EVI5L: variants seen among roughly 807,000 people sequenced by gnomAD.
EVI5L encodes the protein EVI5-like protein.
EVI5L carries 30 observed loss-of-function variants against 106.1 expected under a neutral mutation model. The observed-to-expected ratio is 0.28, with a 90% CI of 0.21 to 0.38. The LOEUF (loss-of-function observed/expected upper bound fraction) is 0.38. EVI5L is among the 10% of genes least tolerant of loss of function. The pLI is 1.00. For synonymous variants in EVI5L, 489 were observed against 483.3 expected, an observed-to-expected ratio of 1.01 and a Z score of -0.15; for missense variants, 809 against 1,098.0, an observed-to-expected ratio of 0.74 and a Z score of 3.72.
intron 2 of EVI5L, 94 bp downstream of exon 2, chr19:7,846,773 C>T (rs1896132403): frequency 6.7e-7 from 1 of 1,482,028 alleles, no homozygotes; most frequent in African/African-American, 1.4e-5. Context: ...GAGCCAGGCC[C>T]AGTGTGTGCA....
rs1488286035 is a variant in EVI5L at position 7,863,932 on chromosome 19, G to A, written c.*230G>A. 1 of 548,936 alleles carries A rather than the reference G, an allele frequency of 1.8e-6. No individual in the cohort carries two copies. The highest frequency in any genetic ancestry group is 3.0e-6 in the Non-Finnish European group (1 of 332,116). 34.0% of individuals were successfully genotyped at this position (548,936 alleles called of 1,614,324 possible). On this transcript the variant is annotated 3_prime_UTR_variant, in exon 20 of 20. Coordinates refer to ENST00000538904, the MANE Select transcript of EVI5L (RefSeq NM_001159944.3). This position sits in a 1 kb window ranked among gnomAD's most constrained non-coding sequence, Gnocchi z 7.7. ...CAGCAGTGTTTACCCATCTTGGTCTGTACCCCTCCGGGCCCTCTGGCGTTC... is the reference window on the plus strand; with the variant it reads ...CAGCAGTGTTTACCCATCTTGGTCTATACCCCTCCGGGCCCTCTGGCGTTC...
intron 13 of EVI5L, among the ~76,000 whole-genome samples, chr19:7,859,839 G>C (rs1342632816): frequency 6.6e-6 from 1 of 152,250 alleles, no homozygotes; most frequent in African/African-American, 2.4e-5. Context: ...GGGCCTGGAG[G>C]CCATCTGGGC....
At chr19:7,852,395 G>C (rs977116881) in intron 8 of EVI5L, among the ~76,000 whole-genome samples, 1 of 152,218 alleles carries the variant, frequency 6.6e-6, no homozygotes, top group Non-Finnish European at 1.5e-5. Context: ...TGCAGGAGCT[G>C]TGTCCCCCCT....
chr19:7,863,054 A>G lies in EVI5L; in HGVS notation c.2030A>G (p.Glu677Gly). 1 of 1,558,060 alleles carries G rather than the reference A, an allele frequency of 6.4e-7. No individual in the cohort carries two copies. The change falls in exon 18 of 20, where the codon GAG becomes GGG. Residue 677 changes from glutamate to glycine, a missense_variant. Glu to Gly is a moderately conservative substitution (Grantham distance 98). Around this residue, in one of 2 missense-constraint regions of EVI5L, gnomAD observed 452 missense variants for 509.9 expected, o/e 0.89. Coordinates refer to ENST00000538904, the MANE Select transcript of EVI5L (RefSeq NM_001159944.3). The surrounding 1 kb of genome is among the most constrained non-coding windows in gnomAD (Gnocchi z 7.7). Reference sequence around the variant, plus strand: ...GCCGAGATGCGGCAGCGCATTGCCGAGCTGGAGATCCAGGTGATCGGCGGG... The same window carrying G: ...GCCGAGATGCGGCAGCGCATTGCCGGGCTGGAGATCCAGGTGATCGGCGGG... ...AVAEMRQRIAELEIQREEGRI... is the reference protein window; with the variant it reads ...AVAEMRQRIAGLEIQREEGRI...
Position 7,847,923 on chromosome 19 carries a change from T to TG in EVI5L, c.327+8dup. 6.5e-7 allele frequency: 1 copy of TG among 1,540,374 alleles called. No homozygotes were observed. Among genetic ancestry groups the TG allele is most frequent in the Non-Finnish European group, 8.8e-7 (1 of 1,140,478 alleles). ...CGCAGGAAGGAGAAGCTGCTCAAGG[T>TG]GGGGGGCGGCCAGGCAGGCAGGGCT... On this transcript the variant is annotated splice_region_variant and intron_variant, in intron 3 of 19. Coordinates refer to ENST00000538904, the MANE Select transcript of EVI5L (RefSeq NM_001159944.3).
chr19:7,854,863 G>T (rs771817569), intron 10 of EVI5L, among the ~76,000 whole-genome samples: 9 of 152,090 alleles, frequency 5.9e-5, no homozygotes, highest in Non-Finnish European at 1.3e-4. Flanking sequence ...CTGCGGTTCT[G>T]TCTGACTGCA....
In EVI5L at chr19:7,857,103, T is replaced by C. The variant is rs1446076302; in HGVS notation, c.1212T>C (p.Ala404=). Residue 404 remains alanine (A), a synonymous_variant, in exon 12 of 20, where the codon GCT becomes GCC. Transcript: ENST00000538904. The surrounding 1 kb of genome is among the most constrained non-coding windows in gnomAD (Gnocchi z 4.5). The part of the protein sequence containing the change: ...RIETLEKESA[A]LADRLIQGQV... ...CCTTCGCCGGGTAGGAGAGCGCTGC[T>C]CTGGCTGATAGGTTAATCCAGGTAC... 1.3e-6 allele frequency: 2 copies of C among 1,551,680 alleles called. No homozygotes were observed. The highest frequency in any genetic ancestry group is 1.7e-6 in the Non-Finnish European group (2 of 1,147,020).
At chr19:7,855,987 A>G (rs527769271) in intron 10 of EVI5L, 28 bp from the exon 11 acceptor site, 2 of 1,323,894 alleles carry the variant, frequency 1.5e-6, no homozygotes, top group South Asian at 2.8e-5. Flanking sequence ...GGGGCGGGCT[A>G]TGACGTGATC....
chr19:7,862,877 C>T, intron 17 of EVI5L, 95 bp from the exon 18 acceptor site: 1 of 866,836 alleles, frequency 1.2e-6, no homozygotes, highest in Non-Finnish European at 1.7e-6. Flanking sequence ...CCGCCCGCGG[C>T]CCCGCCTCCT....
chr19:7,847,637 TA>T, intron 2 of EVI5L, 94 bp from the exon 3 acceptor site: 2 of 1,310,242 alleles, frequency 1.5e-6, no homozygotes, highest in Non-Finnish European at 2.1e-6. Context: ...TGGTGTCCTC[TA>T]AGACCCCCAG....
intron 7 of EVI5L, 32 bp downstream of exon 7, chr19:7,851,609 G>A: frequency 1.2e-6 from 2 of 1,602,638 alleles, no homozygotes; most frequent in Non-Finnish European, 1.7e-6. Flanking sequence ...GGAGGGAAGA[G>A]AGCCCCTTGG....
At position 7,850,159 on chromosome 19, in the gene EVI5L, G is replaced by A. The variant is rs548557570; in HGVS notation, c.753+37G>A. Reference sequence around the variant, plus strand: ...CGCAGGAGAGCAGGGCTGCAGGAGGGCAGGGCCACAGGTGGGCAGGGCCGC... The same window carrying A: ...CGCAGGAGAGCAGGGCTGCAGGAGGACAGGGCCACAGGTGGGCAGGGCCGC... On this transcript the variant is annotated intron_variant, in intron 6 of 19. Transcript: ENST00000538904. The surrounding 1 kb of genome is among the most constrained non-coding windows in gnomAD (Gnocchi z 5.4). 15 of 1,583,868 alleles carry A rather than the reference G, an allele frequency of 9.5e-6. No individual in the cohort carries two copies. The South Asian group carries it at 1.6e-4, about 17-fold the overall frequency.
chr19:7,848,005 C>G lies in EVI5L; in HGVS notation c.327+84C>G, dbSNP rs1979041567. The stretch of plus-strand genomic sequence containing the variant: ...CTCAGCCACCAGGCAGCGCCAGGGT[C>G]TGCGGGGCCCCAGCCTGGGCACAGC... On this transcript the variant is annotated intron_variant, in intron 3 of 19. Transcript: ENST00000538904. This position sits in a 1 kb window ranked among gnomAD's most constrained non-coding sequence, Gnocchi z 4.8. 7.0e-7 allele frequency: 1 copy of G among 1,432,108 alleles called. No individual in the cohort carries two copies. The highest frequency in any genetic ancestry group is 1.4e-5 in the South Asian group (1 of 71,088). The allele number at this position is 1,432,108 out of a possible 1,614,324, so 88.7% of individuals were successfully genotyped here.
chr19:7,856,457 G>A lies in EVI5L; in HGVS notation c.1200+389G>A, dbSNP rs1979527994. 6.6e-6 allele frequency among the ~76,000 whole-genome samples: 1 copy of A among 152,092 alleles called. No individual in the cohort carries two copies. Among genetic ancestry groups the A allele is most frequent in the Non-Finnish European group, 1.5e-5 (1 of 68,000 alleles). ...TAATTTGGAAGTCTTGCCCTCAAAA[G>A]AAAGGAAAGGAAACCCAGTGGAGGA... On this transcript the variant is annotated intron_variant, in intron 11 of 19. Transcript: ENST00000538904. This position sits in a 1 kb window ranked among gnomAD's most constrained non-coding sequence, Gnocchi z 6.6.
intron 1 of EVI5L, among the ~76,000 whole-genome samples, chr19:7,836,980 C>G (rs1978368124): frequency 6.6e-6 from 1 of 151,628 alleles, no homozygotes; most frequent in African/African-American, 2.4e-5. Flanking sequence ...GGAGGATCCC[C>G]TGTGGCCAGG....
At chr19:7,849,466 C>A in intron 5 of EVI5L, 136 bp downstream of exon 5, 1 of 960,688 alleles carries the variant, frequency 1.0e-6, no homozygotes, top group Non-Finnish European at 1.5e-6. Flanking sequence ...CCATCCACAC[C>A]CGTGACCTCT....
chr19:7,862,652 G>T, intron 17 of EVI5L, 118 bp downstream of exon 17: 4 of 906,698 alleles, frequency 4.4e-6, no homozygotes, highest in South Asian at 3.3e-5. Context: ...GCCCCTGCCC[G>T]CGGTCCTCCC....
At chr19:7,854,526 T>G (rs941607627) in intron 10 of EVI5L, among the ~76,000 whole-genome samples, 3 of 151,948 alleles carry the variant, frequency 2.0e-5, no homozygotes, top group African/African-American at 7.3e-5. Flanking sequence ...TCCCAACACT[T>G]TGAGAGGCTG....
chr19:7,857,365 T>C lies in EVI5L; in HGVS notation c.1233+241T>C, dbSNP rs1979579529. 1 of 610,424 alleles carries C rather than the reference T, an allele frequency of 1.6e-6. No homozygotes were observed. The highest frequency in any genetic ancestry group is 2.9e-6 in the Non-Finnish European group (1 of 344,460). 37.8% of individuals were successfully genotyped at this position (610,424 alleles called of 1,614,324 possible). On this transcript the variant is annotated intron_variant, in intron 12 of 19. Transcript: ENST00000538904. The surrounding 1 kb of genome is among the most constrained non-coding windows in gnomAD (Gnocchi z 4.5). ...GTGCGTTTGGGTGTGAATGTCCACATGCATGTACAGAAAGCTTCCTCCGGG... is the reference window on the plus strand; with the variant it reads ...GTGCGTTTGGGTGTGAATGTCCACACGCATGTACAGAAAGCTTCCTCCGGG...
Sources: gnomAD v4.1 joint callset for allele counts (sites outside exome capture counted in the v4.1 genomes callset) on GRCh38, gnomAD v4.1.1 for gene constraint, gnomAD v4.1.1 regional missense constraint, Gnocchi (gnomAD v3.1) non-coding constraint, MANE v1.5 for transcripts, NCBI Gene and HGNC (gene_info 2026-07-23, HGNC 2026-07-21) for gene names.